TMEM80: variants seen among roughly 807,000 people sequenced by gnomAD.
TMEM80 encodes transmembrane protein 80.
TMEM80 carries 16 observed loss-of-function variants against 13.6 expected under a neutral mutation model. The observed-to-expected ratio is 1.17, with a 90% CI of 0.79 to 1.78. The LOEUF (loss-of-function observed/expected upper bound fraction) is 1.78, where lower values mean the gene tolerates loss of function less well. TMEM80 is among the 40% of genes most tolerant of loss of function. TMEM80 has a pLI of 0.00. For synonymous variants in TMEM80, 92 were observed against 89.5 expected (o/e 1.03, Z -0.16); for missense variants, 167 against 184.6 (o/e 0.90, Z 0.55).
Position 700,679 on chromosome 11 carries a change from G to C in TMEM80, c.198G>C (p.Gly66=), listed in dbSNP as rs766401487. ...VLDLALLFLM[G]ILEAVRLYLG... ...ATCTTGCTCTGCTGTTTCTGATGGGGATTCTAGAAGCAGTTCGGTTATACC... is the reference window on the plus strand; with the variant it reads ...ATCTTGCTCTGCTGTTTCTGATGGGCATTCTAGAAGCAGTTCGGTTATACC... Residue 66 remains glycine (G), a synonymous_variant, in exon 4 of 5, where the codon GGG becomes GGC. Coordinates refer to ENST00000397510, the MANE Select transcript of TMEM80 (RefSeq NM_001042463.3). 6.2e-7 allele frequency: 1 copy of C among 1,614,164 alleles called. No homozygotes were observed. The highest frequency in any genetic ancestry group is 1.1e-5 in the South Asian group (1 of 91,076).
At chr11:702,795 A>G (rs1335569822) in intron 4 of TMEM80, 150 bp from the exon 5 acceptor site, 2 of 720,394 alleles carry the variant, frequency 2.8e-6, no homozygotes, top group Non-Finnish European at 4.4e-6. Flanking sequence ...CTGGGTGGCC[A>G]TGGAGGCTGT....
rs1382045665 is a variant in TMEM80, at chr11:700,694, T to G, written c.213T>G (p.Val71=). 2 of 1,614,122 alleles carry G rather than the reference T, an allele frequency of 1.2e-6. No individual in the cohort carries two copies. The highest frequency in any genetic ancestry group is 1.1e-5 in the South Asian group (1 of 91,088). ...TTCTGATGGGGATTCTAGAAGCAGTTCGGTTATACCTGGGTGAGTGGACTG... is the reference window on the plus strand; with the variant it reads ...TTCTGATGGGGATTCTAGAAGCAGTGCGGTTATACCTGGGTGAGTGGACTG... ...LLFLMGILEA[V]RLYLGTRGNL... The change falls in exon 4 of 5, where the codon GTT becomes GTG. Residue 71 remains valine, a synonymous_variant. Coordinates refer to ENST00000397510, the MANE Select transcript of TMEM80 (RefSeq NM_001042463.3).
chr11:699,834 T>C, intron 2 of TMEM80: 1 of 323,962 alleles, frequency 3.1e-6, no homozygotes, highest in Non-Finnish European at 5.7e-6. Context: ...TCACTGGGGA[T>C]GCCAGTGTGT....
At chr11:702,072 C>A (rs761681270) in intron 4 of TMEM80, among the ~76,000 whole-genome samples, 1 of 152,214 alleles carries the variant, frequency 6.6e-6, no homozygotes, top group Non-Finnish European at 1.5e-5. Flanking sequence ...CCCTCTTGTT[C>A]ACATACAGAT....
At chr11:702,432 C>T (rs906524692) in intron 4 of TMEM80, among the ~76,000 whole-genome samples, 1 of 152,242 alleles carries the variant, frequency 6.6e-6, no homozygotes, top group Non-Finnish European at 1.5e-5. Flanking sequence ...GGACCCTCCC[C>T]AAGCGCGCCG....
chr11:695,964 G>A (rs1861128103), intron 1 of TMEM80, 118 bp downstream of exon 1: 2 of 819,852 alleles, frequency 2.4e-6, no homozygotes, highest in Non-Finnish European at 3.3e-6. Flanking sequence ...CCGTCTCTAC[G>A]TGAGCGAGAC....
Position 698,859 on chromosome 11 carries a change from T to G in TMEM80, c.20-10T>G. 3 of 1,614,094 alleles carry G rather than the reference T, an allele frequency of 1.9e-6. No individual in the cohort carries two copies. In the South Asian group the frequency reaches 3.3e-5, roughly 18 times the overall value. On this transcript the variant is annotated splice_polypyrimidine_tract_variant and intron_variant, in intron 1 of 4. Coordinates refer to ENST00000397510, the MANE Select transcript of TMEM80 (RefSeq NM_001042463.3). ...TGTCAGGCCTTGCTCACGGCCCCTT[T>G]CTCTTTCAGGGAGAGGATCCTCCAC...
intron 1 of TMEM80, among the ~76,000 whole-genome samples, chr11:698,305 G>A (rs116759928): frequency 0.014 from 2,175 of 152,166 alleles, 51 homozygotes; most frequent in African/African-American, 0.048. Context: ...CATCTCTCAG[G>A]TGGGGGTGGG....
At chr11:700,452 G>A (rs562508573) in intron 3 of TMEM80, among the ~76,000 whole-genome samples, 163 bp from the exon 4 acceptor site, 5 of 152,030 alleles carry the variant, frequency 3.3e-5, no homozygotes, top group Admixed American at 2.0e-4. Flanking sequence ...GCTTGAACCC[G>A]GGAGGTGGAG....
chr11:703,896 T>C lies in TMEM80; in HGVS notation c.*746T>C. 1 of 1,240,364 alleles carries C rather than the reference T, an allele frequency of 8.1e-7. No homozygotes were observed. Among genetic ancestry groups the C allele is most frequent in the Non-Finnish European group, 1.0e-6 (1 of 993,748 alleles). The allele number at this position is 1,240,364 out of a possible 1,614,324, so 76.8% of individuals were successfully genotyped here. On this transcript the variant is annotated 3_prime_UTR_variant, in exon 5 of 5. Coordinates refer to ENST00000397510, the MANE Select transcript of TMEM80 (RefSeq NM_001042463.3). The stretch of plus-strand genomic sequence containing the variant: ...TTCGGAGCCTCCGTCCACTCCAGTT[T>C]TATCAGCTTTTGCCTTTTGCACGGA...
chr11:701,146 C>T (rs140170374), intron 4 of TMEM80: 60 of 205,336 alleles, frequency 2.9e-4, no homozygotes, highest in African/African-American at 1.2e-3. Flanking sequence ...CTCCCCACTC[C>T]AGCTCTAGGG....
downstream of TMEM80, chr11:704,673 G>A (rs1433842644): frequency 6.2e-6 from 8 of 1,284,830 alleles, no homozygotes; most frequent in Admixed American, 2.3e-5. Flanking sequence ...CAGTCTCAGC[G>A]AGCACACAAA....
intron 1 of TMEM80, among the ~76,000 whole-genome samples, chr11:697,145 G>A (rs1479701158): frequency 2.7e-5 from 4 of 150,846 alleles, no homozygotes; most frequent in South Asian, 2.1e-4. Flanking sequence ...TCCCAGCTAC[G>A]TGGGAGGCTG....
rs971843003 is a variant in TMEM80, at chr11:703,982, C to T, written c.*832C>T. 1.1e-5 allele frequency: 14 copies of T among 1,229,392 alleles called. No individual in the cohort carries two copies. Among genetic ancestry groups the T allele is most frequent in the Non-Finnish European group, 1.3e-5 (13 of 985,948 alleles). The allele number at this position is 1,229,392 out of a possible 1,614,324, so 76.2% of individuals were successfully genotyped here. On this transcript the variant is annotated 3_prime_UTR_variant, in exon 5 of 5. Coordinates refer to ENST00000397510, the MANE Select transcript of TMEM80 (RefSeq NM_001042463.3). ...ATTCCCAGATTTACTATCAGTTCTC[C>T]TTAAAAAGTATCTAAGCTGTTACAG... is the stretch of plus-strand genomic sequence containing the variant.
At chr11:700,797 G>GT in intron 4 of TMEM80, 90 bp downstream of exon 4, 1 of 1,240,480 alleles carries the variant, frequency 8.1e-7, no homozygotes, top group Non-Finnish European at 1.2e-6. Context: ...TTATAGTGTG[G>GT]TTCTCAGAGA....
chr11:703,331 T>A lies in TMEM80; in HGVS notation c.*181T>A, dbSNP rs1861585728. On this transcript the variant is annotated 3_prime_UTR_variant, in exon 5 of 5. Coordinates refer to ENST00000397510, the MANE Select transcript of TMEM80 (RefSeq NM_001042463.3). ...GAGCAGGAGCCAGGGCAGAACAAAC[T>A]GCTGGAGGCCCTGGTGTTGGGAACA... is the stretch of plus-strand genomic sequence containing the variant. The A allele has an allele frequency of 7.1e-7, 1 of 1,403,910 alleles. No individual in the cohort carries two copies. Among genetic ancestry groups the A allele is most frequent in the Admixed American group, 3.2e-5 (1 of 31,446 alleles). The allele number at this position is 1,403,910 out of a possible 1,614,324, so 87.0% of individuals were successfully genotyped here.
intron 4 of TMEM80, chr11:701,259 A>AGCC (rs1861450457): frequency 6.4e-6 from 1 of 156,672 alleles, no homozygotes; most frequent in Non-Finnish European, 1.4e-5. Flanking sequence ...AGCTCACTGC[A>AGCC]GCCTTGACCT....
At chr11:697,725 A>C (rs1406498617) in intron 1 of TMEM80, 1 of 152,236 alleles carries the variant, frequency 6.6e-6, no homozygotes, top group East Asian at 1.9e-4. Flanking sequence ...TAAGGCCTGG[A>C]AAAGAACAGA....
chr11:704,376 C>T, downstream of TMEM80: 9 of 1,110,512 alleles, frequency 8.1e-6, no homozygotes, highest in South Asian at 1.3e-5. Flanking sequence ...TGCCTGTCTT[C>T]GTGGAAGCGG....
Sources: allele counts gnomAD v4.1 joint callset (sites outside exome capture counted in the v4.1 genomes callset), GRCh38; gene constraint gnomAD v4.1.1; transcripts MANE v1.5; gene names NCBI Gene and HGNC (gene_info 2026-07-23, HGNC 2026-07-21).